The following C8orf34 variants were observed in gnomAD, a reference collection of about 807,000 sequenced individuals.
C8orf34 encodes chromosome 8 open reading frame 34.
A neutral mutation model predicts 68.3 loss-of-function variants in C8orf34; 65 were observed. That is an observed-to-expected ratio of 0.95 (90% CI 0.78 to 1.17). The LOEUF (loss-of-function observed/expected upper bound fraction) is 1.17, where lower values mean the gene tolerates loss of function less well. C8orf34 is among the 50% of genes most tolerant of loss of function. The pLI is 0.00. For missense variants in C8orf34, 664 were observed against 655.4 expected (o/e 1.01, Z -0.14); for synonymous variants, 244 against 241.2 (o/e 1.01, Z -0.11).
chr8:68,617,863 A>T (rs1431932490), intron 7 of C8orf34, among the ~76,000 whole-genome samples: 3 of 152,176 alleles, frequency 2.0e-5, no homozygotes, highest in Non-Finnish European at 4.4e-5. Flanking sequence ...TCTCCTGGAT[A>T]ATATCCTGCA....
intron 9 of C8orf34, among the ~76,000 whole-genome samples, chr8:68,718,944 A>G (rs1821552257): frequency 6.6e-6 from 1 of 152,186 alleles, no homozygotes; most frequent in African/African-American, 2.4e-5. Context: ...TGACAAATTT[A>G]GGGACTCATT....
chr8:68,524,290 T>A (rs1814884354), intron 6 of C8orf34, among the ~76,000 whole-genome samples: 1 of 152,210 alleles, frequency 6.6e-6, no homozygotes, highest in Non-Finnish European at 1.5e-5. Flanking sequence ...ACCCCCTTTT[T>A]TAATGATGTA....
rs1428779576 is a variant in C8orf34, at chr8:68,617,125, G to C, written c.1106-23251G>C. Among the ~76,000 whole-genome samples the C allele has an allele frequency of 2.0e-5, 3 of 151,788 alleles. No homozygotes were observed. The South Asian group carries it at 6.2e-4, about 32-fold the overall frequency. ...AGGATTGCAACTCCTGCCTTTTTTTGTTTTCCATTTGCTTGGTAGATCTTC... is the reference window on the plus strand; with the variant it reads ...AGGATTGCAACTCCTGCCTTTTTTTCTTTTCCATTTGCTTGGTAGATCTTC... On this transcript the variant is annotated intron_variant, in intron 7 of 13. Coordinates refer to ENST00000518698, the MANE Select transcript of C8orf34 (RefSeq NM_052958.4).
intron 1 of C8orf34, among the ~76,000 whole-genome samples, chr8:68,349,607 G>C (rs1806425292): frequency 6.6e-6 from 1 of 151,876 alleles, no homozygotes; most frequent in African/African-American, 2.4e-5. Flanking sequence ...TCAGGGTCCA[G>C]GCTTTTTTTA....
chr8:68,497,593 A>C (rs1813579973), intron 5 of C8orf34, among the ~76,000 whole-genome samples: 1 of 152,210 alleles, frequency 6.6e-6, no homozygotes, highest in African/African-American at 2.4e-5. Flanking sequence ...TAATAACAAA[A>C]GAGTAGAAAA....
intron 8 of C8orf34, among the ~76,000 whole-genome samples, chr8:68,688,866 G>A (rs1011764510): frequency 3.3e-5 from 5 of 151,970 alleles, no homozygotes; most frequent in African/African-American, 1.2e-4. Context: ...AAGACAAATA[G>A]CTAATGCAGT....
At chr8:68,331,501 GC>G in intron 1 of C8orf34, 162 bp downstream of exon 1, 1 of 816,162 alleles carries the variant, frequency 1.2e-6, no homozygotes, top group Non-Finnish European at 2.0e-6. Flanking sequence ...CTCTGTCCCG[GC>G]CAGGTGTCCT....
At chr8:68,353,433 T>C (rs1006538721) in intron 1 of C8orf34, among the ~76,000 whole-genome samples, 2 of 151,736 alleles carry the variant, frequency 1.3e-5, no homozygotes, top group Admixed American at 1.3e-4. Context: ...TAGATGATTG[T>C]TACATTATTA....
chr8:68,369,874 T>C (rs780501779), intron 1 of C8orf34, among the ~76,000 whole-genome samples: 5 of 152,208 alleles, frequency 3.3e-5, no homozygotes, highest in Admixed American at 6.5e-5. Flanking sequence ...GCATAAGGGT[T>C]GAGCACTAGA....
chr8:68,655,744 C>T (rs900780099), intron 8 of C8orf34, among the ~76,000 whole-genome samples: 2 of 152,024 alleles, frequency 1.3e-5, no homozygotes, highest in Non-Finnish European at 1.5e-5. Flanking sequence ...TAACCCCATC[C>T]GTAAGTCGAG....
At chr8:68,781,920 A>T (rs1823690020) in intron 11 of C8orf34, among the ~76,000 whole-genome samples, 1 of 152,224 alleles carries the variant, frequency 6.6e-6, no homozygotes, top group Non-Finnish European at 1.5e-5. Flanking sequence ...GAATAAAGCC[A>T]TTAAAACCAA....
chr8:68,468,054 T>G lies in C8orf34; in HGVS notation c.608-638T>G, dbSNP rs377554750. On this transcript the variant is annotated intron_variant, in intron 3 of 13. Coordinates refer to ENST00000518698, the MANE Select transcript of C8orf34 (RefSeq NM_052958.4). ...GATTGAAGCTTTAATATTTAAATAG[T>G]GTGACATGTTGATTTTCTTGGCATT... Among the ~76,000 whole-genome samples, 6 of 152,170 alleles carry G rather than the reference T, an allele frequency of 3.9e-5. No individual in the cohort carries two copies. In the East Asian group the frequency reaches 1.2e-3, roughly 29 times the overall value.
In C8orf34 at chr8:68,743,256, G is replaced by A. The variant is rs189226059; in HGVS notation, c.1404+21819G>A. ...ATGGACTTAGAGTAGCAATGGATAAGAAGGAGGAATAGCATGTTTTTTTAT... is the reference window on the plus strand; with the variant it reads ...ATGGACTTAGAGTAGCAATGGATAAAAAGGAGGAATAGCATGTTTTTTTAT... On this transcript the variant is annotated intron_variant, in intron 10 of 13. Transcript: ENST00000518698. Among the ~76,000 whole-genome samples, 84 of 152,326 alleles carry A rather than the reference G, an allele frequency of 5.5e-4. 1 individual carries two copies. Among genetic ancestry groups the A allele is most frequent in the African/African-American group, 1.7e-3 (72 of 41,566 alleles).
At chr8:68,430,662 G>A (rs527268253) in intron 1 of C8orf34, among the ~76,000 whole-genome samples, 2 of 152,240 alleles carry the variant, frequency 1.3e-5, no homozygotes, top group East Asian at 3.9e-4. Context: ...CACCGTAACT[G>A]GAGAGTGATG....
intron 12 of C8orf34, among the ~76,000 whole-genome samples, chr8:68,813,593 G>A (rs1397741031): frequency 6.6e-6 from 1 of 151,856 alleles, no homozygotes; most frequent in Non-Finnish European, 1.5e-5. Context: ...GTTTCCTCCT[G>A]GAAAACATTG....
chr8:68,557,125 A>G (rs1356475783), intron 7 of C8orf34, among the ~76,000 whole-genome samples: 4 of 152,326 alleles, frequency 2.6e-5, no homozygotes, highest in African/African-American at 7.2e-5. Flanking sequence ...CTGGATCTAC[A>G]TAGTGATTGA....
intron 7 of C8orf34, among the ~76,000 whole-genome samples, chr8:68,633,189 A>C (rs1017739435): frequency 2.6e-5 from 4 of 152,138 alleles, no homozygotes; most frequent in African/African-American, 9.7e-5. Context: ...CAGCTGCTTG[A>C]CAAATCCTAA....
chr8:68,651,454 T>C (rs1423940043), intron 8 of C8orf34, among the ~76,000 whole-genome samples: 2 of 152,192 alleles, frequency 1.3e-5, no homozygotes, highest in Non-Finnish European at 2.9e-5. Flanking sequence ...TCCAGGATTT[T>C]TGGACGTTCG....
At chr8:68,434,395 T>TAA (rs957371541) in intron 1 of C8orf34, among the ~76,000 whole-genome samples, 8 of 152,260 alleles carry the variant, frequency 5.3e-5, no homozygotes, top group Middle Eastern at 3.4e-3. Flanking sequence ...AGTGAGAACA[T>TAA]GTGGTATTTG....
Sources: allele counts gnomAD v4.1 joint callset (sites outside exome capture counted in the v4.1 genomes callset), GRCh38; gene constraint gnomAD v4.1.1; transcripts MANE v1.5; gene names NCBI Gene and HGNC (gene_info 2026-07-23, HGNC 2026-07-21).